The following TRAPPC9 variants were observed in gnomAD, a reference collection of about 807,000 sequenced individuals.
TRAPPC9 encodes the protein IKK2 binding protein.
In TRAPPC9, 83 loss-of-function variants were observed where a neutral mutation model predicts 124.0. That is an observed-to-expected ratio of 0.67 (90% confidence interval 0.56 to 0.80). TRAPPC9 has a LOEUF of 0.80. TRAPPC9 is among the 30% of genes least tolerant of loss of function. The pLI is 0.00. For missense variants in TRAPPC9, 1,302 were observed against 1,508.3 expected (o/e 0.86, Z 2.27); for synonymous variants, 638 against 617.5 (o/e 1.03, Z -0.49).
intron 7 of TRAPPC9, among the ~76,000 whole-genome samples, chr8:140,396,727 T>C (rs571767642): frequency 2.4e-4 from 36 of 152,132 alleles, no homozygotes; most frequent in African/African-American, 8.4e-4. Flanking sequence ...CTATCTCCTA[T>C]TCATCCTTCA....
chr8:139,916,422 G>A (rs894411140), intron 19 of TRAPPC9: 4 of 152,218 alleles, frequency 2.6e-5, no homozygotes, highest in African/African-American at 4.8e-5. Context: ...GAGCTGAGGC[G>A]CTAAGGAGAT....
intron 21 of TRAPPC9, among the ~76,000 whole-genome samples, chr8:139,747,085 G>A (rs1432834788): frequency 6.6e-6 from 1 of 152,222 alleles, no homozygotes; most frequent in Non-Finnish European, 1.5e-5. Flanking sequence ...AATTTAAAAT[G>A]ACTCCTCTGT....
chr8:140,117,446 G>A (rs1386589292), intron 17 of TRAPPC9, among the ~76,000 whole-genome samples: 17 of 152,158 alleles, frequency 1.1e-4, no homozygotes, highest in Non-Finnish European at 1.3e-4. Context: ...CTGCTTGCAA[G>A]ATAGTACCTT....
chr8:139,873,971 C>A (rs1379007493), intron 21 of TRAPPC9, among the ~76,000 whole-genome samples: 1 of 152,234 alleles, frequency 6.6e-6, no homozygotes, highest in Non-Finnish European at 1.5e-5. Flanking sequence ...TGGCTGCTGC[C>A]TTGCCGAGGA....
chr8:140,276,487 G>A (rs968844188), intron 14 of TRAPPC9, among the ~76,000 whole-genome samples: 6 of 152,138 alleles, frequency 3.9e-5, no homozygotes, highest in African/African-American at 7.2e-5. Context: ...CCAGATGAAC[G>A]TGCAACACAG....
chr8:139,762,569 T>C (rs957690814), intron 21 of TRAPPC9, among the ~76,000 whole-genome samples: 2 of 152,200 alleles, frequency 1.3e-5, no homozygotes, highest in African/African-American at 4.8e-5. Flanking sequence ...ATTTGTGTAT[T>C]ACCCAAACAT....
At chr8:140,242,508 C>T (rs1563875409) in intron 16 of TRAPPC9, among the ~76,000 whole-genome samples, 2 of 152,204 alleles carry the variant, frequency 1.3e-5, no homozygotes, top group Non-Finnish European at 2.9e-5. Flanking sequence ...AAAGGAAACA[C>T]AGAAAGGTGA....
At chr8:140,171,999 A>T (rs1313506253) in intron 17 of TRAPPC9, among the ~76,000 whole-genome samples, 1 of 152,216 alleles carries the variant, frequency 6.6e-6, no homozygotes, top group African/African-American at 2.4e-5. Flanking sequence ...AGGTACTCTG[A>T]GCCAGGCTCG....
At chr8:139,929,601 G>A (rs551329822) in intron 19 of TRAPPC9, among the ~76,000 whole-genome samples, 6 of 152,072 alleles carry the variant, frequency 3.9e-5, no homozygotes, top group Admixed American at 6.5e-5. Flanking sequence ...CAGAGTTACC[G>A]TGCTGCCTGC....
chr8:139,883,761 C>G (rs575880384), intron 21 of TRAPPC9, among the ~76,000 whole-genome samples: 1 of 152,218 alleles, frequency 6.6e-6, no homozygotes, highest in African/African-American at 2.4e-5. Context: ...CAGGCAGGAC[C>G]GGGCTGAGGT....
intron 21 of TRAPPC9, among the ~76,000 whole-genome samples, chr8:139,842,940 G>A (rs978488472): frequency 5.3e-5 from 8 of 152,254 alleles, no homozygotes; most frequent in African/African-American, 1.9e-4. Flanking sequence ...GTCCGGGCAG[G>A]TGAAGGAACA....
intron 9 of TRAPPC9, among the ~76,000 whole-genome samples, chr8:140,332,812 G>C (rs2066929003): frequency 6.6e-6 from 1 of 152,116 alleles, no homozygotes. Context: ...TCAGGATACA[G>C]AATTATATTT....
At chr8:140,263,269 C>T (rs1212675291) in intron 15 of TRAPPC9, among the ~76,000 whole-genome samples, 1 of 152,194 alleles carries the variant, frequency 6.6e-6, no homozygotes, top group African/African-American at 2.4e-5. Flanking sequence ...TATCACGGGA[C>T]ACCTTGCACC....
chr8:140,410,048 G>A (rs537092593), intron 5 of TRAPPC9, among the ~76,000 whole-genome samples: 2 of 150,392 alleles, frequency 1.3e-5, no homozygotes, highest in South Asian at 4.2e-4. Context: ...GGCTGAGGCA[G>A]GAGGACTGCT....
chr8:139,882,192 T>C (rs1351120162), intron 21 of TRAPPC9, among the ~76,000 whole-genome samples: 2 of 152,200 alleles, frequency 1.3e-5, no homozygotes, highest in African/African-American at 4.8e-5. Flanking sequence ...TTGCAGGCGG[T>C]AGGGATTTAT....
chr8:140,376,958 G>C (rs1588242671), intron 7 of TRAPPC9, among the ~76,000 whole-genome samples: 1 of 151,748 alleles, frequency 6.6e-6, no homozygotes, highest in East Asian at 1.9e-4. Flanking sequence ...CCTATGCCTT[G>C]GACAGATACC....
chr8:140,235,896 C>T (rs964188910), intron 16 of TRAPPC9, among the ~76,000 whole-genome samples: 1 of 152,068 alleles, frequency 6.6e-6, no homozygotes, highest in Non-Finnish European at 1.5e-5. Context: ...CAATACCATC[C>T]AGCCATAAAA....
Position 140,076,438 on chromosome 8 carries a change from T to A in TRAPPC9, c.2557-52359A>T, listed in dbSNP as rs61005503. 3.8e-3 allele frequency among the ~76,000 whole-genome samples: 580 copies of A among 152,256 alleles called. 5 individuals carry two copies. Among genetic ancestry groups the A allele is most frequent in the African/African-American group, 0.013 (547 of 41,548 alleles). Reference sequence around the variant, plus strand: ...AGTAAAAAGTCCACAGACACTGTTCTTTCTGAAAAAGCCAGGATCTAGCTA... The same window carrying A: ...AGTAAAAAGTCCACAGACACTGTTCATTCTGAAAAAGCCAGGATCTAGCTA... On this transcript the variant is annotated intron_variant, in intron 17 of 22. Coordinates refer to ENST00000438773, the MANE Select transcript of TRAPPC9 (RefSeq NM_001160372.4).
rs1322507320 is a variant in TRAPPC9, at chr8:140,349,234, G to GAGGC, written c.1495+10815_1495+10816insGCCT. The stretch of plus-strand genomic sequence containing the variant: ...GGAAGGGCACAGAAGGGGGCCGAAG[G>GAGGC]GGGCACACGACGGAAGGGCACAGAG... On this transcript the variant is annotated intron_variant, in intron 9 of 22. Coordinates refer to ENST00000438773, the MANE Select transcript of TRAPPC9 (RefSeq NM_001160372.4). Among the ~76,000 whole-genome samples the GAGGC allele has an allele frequency of 1.7e-4, 18 of 104,758 alleles. 1 individual carries two copies. The highest frequency in any genetic ancestry group is 3.3e-4 in the Non-Finnish European group (15 of 45,136). The allele number at this position is 104,758 out of a possible 152,430, so 68.7% of individuals were successfully genotyped here. A position where few individuals can be genotyped will look rare whatever the true frequency, so the allele number is the denominator to read the frequency against.
Sources: gnomAD v4.1 joint callset for allele counts (sites outside exome capture counted in the v4.1 genomes callset) on GRCh38, gnomAD v4.1.1 for gene constraint, MANE v1.5 for transcripts, NCBI Gene and HGNC (gene_info 2026-07-23, HGNC 2026-07-21) for gene names.